Variants in WNT7B observed in about 807,000 individuals in gnomAD.
The protein encoded by WNT7B is Wnt family member 7B.
In WNT7B, 19 loss-of-function variants were observed where a neutral mutation model predicts 38.2. The ratio of observed to expected loss-of-function variants is 0.50; its 90% CI spans 0.35 to 0.73. WNT7B has a LOEUF of 0.73. WNT7B is among the 30% of genes least tolerant of loss of function. The probability of loss-of-function intolerance (pLI) is 0.01; values close to 1 mark genes in which losing one functional copy is unlikely to be tolerated. For synonymous variants in WNT7B, 243 were observed against 209.3 expected (o/e 1.16, Z -1.39); for missense variants, 423 against 507.9 (o/e 0.83, Z 1.61).
rs543334453 is a variant in WNT7B, at chr22:45,933,169, C to T, written c.299-1800G>A. ...AGACCTTGGTAGGCTGTCTGTCTGC[C>T]GTCATGGAGGGAGCCACAGCTTCCC... On this transcript the variant is annotated intron_variant, in intron 2 of 3. Transcript: ENST00000339464. Among the ~76,000 whole-genome samples, 103 of 152,192 alleles carry T rather than the reference C, an allele frequency of 6.8e-4. 1 individual carries two copies. Among genetic ancestry groups the T allele is most frequent in the African/African-American group, 2.3e-3 (94 of 41,516 alleles).
At chr22:45,927,575 C>A in intron 3 of WNT7B, 1 of 1,168,578 alleles carries the variant, frequency 8.6e-7, no homozygotes, top group Non-Finnish European at 1.3e-6. Flanking sequence ...CAAGTAGGCC[C>A]TAAATCCAAT....
chr22:45,972,747 TG>T (rs1249990661), intron 1 of WNT7B: 1 of 152,360 alleles, frequency 6.6e-6, no homozygotes, highest in Non-Finnish European at 1.5e-5. Context: ...CACACAGCTC[TG>T]GCCTGGCTCC....
At chr22:45,929,880 CTACCCACT>C (rs770758464) in intron 3 of WNT7B, among the ~76,000 whole-genome samples, 42 of 144,454 alleles carry the variant, frequency 2.9e-4, no homozygotes, top group African/African-American at 1.2e-3. Flanking sequence ...ATCCAACCAT[CTACCCACT>C]CATCCACTCA....
At chr22:45,936,981 T>C (rs1931529621) in intron 2 of WNT7B, among the ~76,000 whole-genome samples, 1 of 152,192 alleles carries the variant, frequency 6.6e-6, no homozygotes, top group Admixed American at 6.5e-5. Flanking sequence ...CAGGGGCCGG[T>C]GCACTTTTGT....
intron 1 of WNT7B, among the ~76,000 whole-genome samples, chr22:45,971,194 C>G (rs1022636200): frequency 7.3e-5 from 11 of 150,622 alleles, no homozygotes; most frequent in Non-Finnish European, 1.3e-4. Context: ...GCGGCTGCCC[C>G]CTCTGGCCGC....
At chr22:45,943,228 C>T (rs1409771542) in intron 2 of WNT7B, among the ~76,000 whole-genome samples, 1 of 152,218 alleles carries the variant, frequency 6.6e-6, no homozygotes, top group African/African-American at 2.4e-5. Flanking sequence ...CTCTCTCCAG[C>T]CCCACCCGGA....
intron 2 of WNT7B, among the ~76,000 whole-genome samples, chr22:45,939,827 A>G (rs1931602792): frequency 6.6e-6 from 1 of 152,112 alleles, no homozygotes; most frequent in African/African-American, 2.4e-5. Flanking sequence ...CCCTATCTCA[A>G]CCCCCACCTC....
rs754932540 is a variant in WNT7B at position 45,950,007 on chromosome 22, T to C, written c.211A>G (p.Asn71Asp). ...AAGCGGAACTGGTACTGGCACTCGT[T>C]GATGCCCATCTGCGCCCCCTCCCCA... ...VIGEGAQMGI[N>D]ECQYQFRFGR... The change falls in exon 2 of 4, where the codon AAC becomes GAC. Residue 71 changes from asparagine to aspartate, a missense_variant. By Grantham distance (23) the Asn-to-Asp change is conservative (BLOSUM62 1). Transcript: ENST00000339464. The C allele has an allele frequency of 1.2e-6, 2 of 1,613,894 alleles. No homozygotes were observed. Among genetic ancestry groups the C allele is most frequent in the East Asian group, 4.5e-5 (2 of 44,898 alleles).
chr22:45,972,116 G>GGCCCCCCCCCCCCCCCCCCC, intron 1 of WNT7B: 4 of 530,734 alleles, frequency 7.5e-6, no homozygotes, highest in East Asian at 3.7e-5. Flanking sequence ...CCCGGGGGGA[G>GGCCCCCCCCCCCCCCCCCCC]CCCACCCGCC....
intron 1 of WNT7B, among the ~76,000 whole-genome samples, chr22:45,954,020 C>G (rs1478844494): frequency 6.6e-6 from 1 of 152,190 alleles, no homozygotes; most frequent in Non-Finnish European, 1.5e-5. Flanking sequence ...TGCCTGTCAA[C>G]AGCTGAGTGG....
chr22:45,952,672 C>T (rs1372557783), intron 1 of WNT7B, among the ~76,000 whole-genome samples: 4 of 152,234 alleles, frequency 2.6e-5, no homozygotes, highest in Non-Finnish European at 5.9e-5. Context: ...CCATTATCTG[C>T]GGTAGGTGCC....
rs944114801 is a variant in WNT7B at position 45,965,197 on chromosome 22, C to A, written c.71+11487G>T. On this transcript the variant is annotated intron_variant, in intron 1 of 3. Coordinates refer to ENST00000339464, the MANE Select transcript of WNT7B (RefSeq NM_058238.3). The surrounding 1 kb of genome is among the most constrained non-coding windows in gnomAD (Gnocchi z 6.5). ...CGTCTGTCCCTTTCCCAGGAACCCACCTTCCTTCCCTCCAGCAGGTCCTTC... is the reference window on the plus strand; with the variant it reads ...CGTCTGTCCCTTTCCCAGGAACCCAACTTCCTTCCCTCCAGCAGGTCCTTC... Among the ~76,000 whole-genome samples, 1 of 152,320 alleles carries A rather than the reference C, an allele frequency of 6.6e-6. No individual in the cohort carries two copies. The highest frequency in any genetic ancestry group is 1.5e-5 in the Non-Finnish European group (1 of 68,026).
intron 2 of WNT7B, among the ~76,000 whole-genome samples, chr22:45,933,737 G>C (rs1342379327): frequency 6.6e-6 from 1 of 152,212 alleles, no homozygotes; most frequent in Non-Finnish European, 1.5e-5. Context: ...CAAGGAGCAT[G>C]GATTCGCTTG....
intron 2 of WNT7B, among the ~76,000 whole-genome samples, chr22:45,941,950 T>C (rs1383870034): frequency 6.6e-6 from 1 of 151,194 alleles, no homozygotes; most frequent in African/African-American, 2.4e-5. Context: ...AGGGTAGGGA[T>C]GCAGGGTGGG....
chr22:45,960,174 A>T (rs769647863), intron 1 of WNT7B, among the ~76,000 whole-genome samples: 23 of 151,884 alleles, frequency 1.5e-4, no homozygotes, highest in Non-Finnish European at 3.2e-4. Context: ...CTCCTTGGCC[A>T]CTTTGGCCAG....
At chr22:45,972,116 G>GGGGGGGCCCCCCCCCCCC in intron 1 of WNT7B, 1 of 530,740 alleles carries the variant, frequency 1.9e-6, no homozygotes, top group East Asian at 3.7e-5. Flanking sequence ...CCCGGGGGGA[G>GGGGGGGCCCCCCCCCCCC]CCCACCCGCC....
At chr22:45,968,241 G>C (rs1338757624) in intron 1 of WNT7B, among the ~76,000 whole-genome samples, 1 of 151,990 alleles carries the variant, frequency 6.6e-6, no homozygotes, top group African/African-American at 2.4e-5. Flanking sequence ...AGATGCCCTA[G>C]GGGGTCCACC....
intron 1 of WNT7B, among the ~76,000 whole-genome samples, chr22:45,961,104 C>A (rs186163559): frequency 6.6e-6 from 1 of 152,366 alleles, no homozygotes; most frequent in Admixed American, 6.5e-5. Flanking sequence ...TCTGGCGCTG[C>A]CCTCAGAGGA....
chr22:45,949,659 G>A (rs866010680), intron 2 of WNT7B, among the ~76,000 whole-genome samples: 3 of 152,218 alleles, frequency 2.0e-5, no homozygotes, highest in Admixed American at 1.3e-4. Flanking sequence ...CCACGGCCAC[G>A]TCACGACGAT....
Sources: gnomAD v4.1 joint callset for allele counts (sites outside exome capture counted in the v4.1 genomes callset) on GRCh38, gnomAD v4.1.1 for gene constraint, Gnocchi (gnomAD v3.1) non-coding constraint, MANE v1.5 for transcripts, NCBI Gene and HGNC (gene_info 2026-07-23, HGNC 2026-07-21) for gene names.